Variants in TENM1 observed in about 807,000 individuals in gnomAD.
TENM1 encodes teneurin-1.
In TENM1, 35 loss-of-function variants were observed where a neutral mutation model predicts 174.8. The ratio of observed to expected loss-of-function variants is 0.20; its 90% CI spans 0.15 to 0.27. The LOEUF (loss-of-function observed/expected upper bound fraction) is 0.27, where lower values mean the gene tolerates loss of function less well. Among genes scored for constraint, TENM1 ranks in the 10% least tolerant of loss-of-function variants. TENM1 has a pLI of 1.00. For missense variants in TENM1, 1,633 were observed against 2,130.1 expected, an observed-to-expected ratio of 0.77 and a Z score of 4.59; for synonymous variants, 781 against 798.7, an observed-to-expected ratio of 0.98 and a Z score of 0.37.
At chrX:124,376,913 TC>T (rs2060110067) in exon 32 of TENM1, 1 of 110,805 alleles carries the variant, frequency 9.0e-6, no homozygotes, top group African/African-American at 3.3e-5. Flanking sequence ...TTCCATTCCA[TC>T]TGTAGCCTTA....
chrX:124,906,470 T>C (rs952859328), intron 1 of TENM1, among the ~76,000 whole-genome samples: 1 of 112,013 alleles, frequency 8.9e-6, no homozygotes, highest in Non-Finnish European at 1.9e-5. Context: ...TATTAAGCTT[T>C]GTTAGGTGGG....
chrX:124,479,538 T>G (rs2018048724), intron 22 of TENM1, among the ~76,000 whole-genome samples: 1 of 111,804 alleles, frequency 8.9e-6, no homozygotes, highest in African/African-American at 3.3e-5. Context: ...TTACTGACGC[T>G]TCAAGAGTTC....
At chrX:124,485,681 C>A (rs919099471) in intron 21 of TENM1, among the ~76,000 whole-genome samples, 2 of 111,447 alleles carry the variant, frequency 1.8e-5, no homozygotes, top group Admixed American at 9.6e-5. Flanking sequence ...TTGAATACCC[C>A]CAGTGTGCCT....
intron 4 of TENM1, among the ~76,000 whole-genome samples, chrX:124,709,460 T>C (rs2052991907): frequency 9.1e-6 from 1 of 110,114 alleles, no homozygotes; most frequent in African/African-American, 3.3e-5. Context: ...GCCACACTAT[T>C]ACATTCCTTT....
the TENM1 span, among the ~76,000 whole-genome samples, chrX:125,145,781 G>C: frequency 7.1e-5 from 8 of 112,057 alleles, no homozygotes; most frequent in Non-Finnish European, 1.1e-4. Context: ...GTTTGATCAA[G>C]GTTGGATTTA....
chrX:125,203,005 C>T, the TENM1 span, among the ~76,000 whole-genome samples: 3 of 112,074 alleles, frequency 2.7e-5, 1 homozygote, highest in South Asian at 1.1e-3. Context: ...AACACACAAA[C>T]CCGCACATTG....
intron 8 of TENM1, among the ~76,000 whole-genome samples, chrX:124,648,604 TAAAG>T (rs888143379): frequency 4.9e-4 from 55 of 112,209 alleles, no homozygotes; most frequent in African/African-American, 1.7e-3. Context: ...TGAAAAGGCA[TAAAG>T]AGACTTTTTA....
Position 124,577,600 on chromosome X carries a change from T to A in TENM1, c.2078-12040A>T, listed in dbSNP as rs1055440152. 1.7e-4 allele frequency among the ~76,000 whole-genome samples: 19 copies of A among 112,080 alleles called. No individual in the cohort carries two copies. The East Asian group carries it at 3.1e-3, about 18-fold the overall frequency. On this transcript the variant is annotated intron_variant, in intron 11 of 31. Transcript: ENST00000422452. ...TGAACTTTAAGACATATATTTTGTC[T>A]TAAGACATATGTTTCCTATGAGTCG...
the TENM1 span, among the ~76,000 whole-genome samples, chrX:125,152,018 G>T: frequency 7.9e-4 from 88 of 111,787 alleles, no homozygotes; most frequent in Non-Finnish European, 1.5e-3. Flanking sequence ...TACTCTGGGA[G>T]GCTGAAGCTG....
At chrX:124,535,497 C>T (rs958173794) in intron 15 of TENM1, among the ~76,000 whole-genome samples, 31 of 111,729 alleles carry the variant, frequency 2.8e-4, no homozygotes, top group African/African-American at 1.0e-3. Context: ...GGCTGTACTA[C>T]AAGATGAACT....
chrX:124,411,933 T>A (rs1454883392), intron 25 of TENM1: 1 of 112,127 alleles, frequency 8.9e-6, no homozygotes, highest in Non-Finnish European at 1.9e-5. Context: ...TACAAGCCGA[T>A]ATGCTCCAAC....
chrX:124,403,970 T>C (rs1478179717), intron 27 of TENM1, among the ~76,000 whole-genome samples: 1 of 111,224 alleles, frequency 9.0e-6, no homozygotes, highest in East Asian at 2.8e-4. Flanking sequence ...CCCTAGCCAA[T>C]AGGGGAACGA....
intron 22 of TENM1, among the ~76,000 whole-genome samples, chrX:124,465,097 G>A (rs778076964): frequency 8.9e-6 from 1 of 112,218 alleles, no homozygotes; most frequent in African/African-American, 3.2e-5. Context: ...TAGTCTCCCA[G>A]TCCTCAGGTT....
chrX:124,459,436 A>G (rs991423969), intron 22 of TENM1, among the ~76,000 whole-genome samples: 1 of 111,030 alleles, frequency 9.0e-6, no homozygotes, highest in Non-Finnish European at 1.9e-5. Context: ...GCAGAGAGGT[A>G]GAGTGACTAA....
rs770620732 is a variant in TENM1 at position 124,463,175 on chromosome X, A to C, written c.3950-9684T>G. ...CCTTACCATGTTAGGAGTTCTGAAG[A>C]AACAGAAGTGCCTCAGGATTTTTTT... On this transcript the variant is annotated intron_variant, in intron 22 of 31. Transcript: ENST00000422452. 9.8e-5 allele frequency among the ~76,000 whole-genome samples: 11 copies of C among 112,032 alleles called. No homozygotes were observed. The South Asian group carries it at 4.1e-3, about 42-fold the overall frequency.
intron 22 of TENM1, among the ~76,000 whole-genome samples, chrX:124,463,267 T>C (rs1569532977): frequency 1.8e-5 from 2 of 112,068 alleles, no homozygotes; most frequent in South Asian, 7.5e-4. Context: ...CTCAGTGTCT[T>C]GATTTCTTAA....
chrX:124,923,779 A>G (rs140978115), intron 1 of TENM1, among the ~76,000 whole-genome samples: 1,484 of 111,824 alleles, frequency 0.013, 19 homozygotes, highest in African/African-American at 0.045. Flanking sequence ...GGCTTTGAAG[A>G]TGGAGGAAGA....
chrX:125,028,953 G>C, the TENM1 span, among the ~76,000 whole-genome samples: 1 of 111,613 alleles, frequency 9.0e-6, no homozygotes, highest in Non-Finnish European at 1.9e-5. Context: ...AGGTATGCGA[G>C]AATTTGCTAT....
intron 27 of TENM1, among the ~76,000 whole-genome samples, chrX:124,394,058 A>C (rs906124510): frequency 8.9e-6 from 1 of 112,330 alleles, no homozygotes; most frequent in South Asian, 3.7e-4. Flanking sequence ...AGGCTTGTGA[A>C]TAGGACCACA....
Sources: gnomAD v4.1 joint callset for allele counts (sites outside exome capture counted in the v4.1 genomes callset) on GRCh38, gnomAD v4.1.1 for gene constraint, MANE v1.5 for transcripts, NCBI Gene and HGNC (gene_info 2026-07-23, HGNC 2026-07-21) for gene names.